TENM2: variants seen among roughly 807,000 people sequenced by gnomAD.
TENM2 encodes the protein teneurin transmembrane protein 2.
TENM2 carries 52 observed loss-of-function variants against 245.2 expected under a neutral mutation model. The ratio of observed to expected loss-of-function variants is 0.21; its 90% CI spans 0.17 to 0.27. The LOEUF is 0.27. TENM2 is among the 10% of genes least tolerant of loss of function. The probability of loss-of-function intolerance (pLI) is 1.00; values close to 1 mark genes in which losing one functional copy is unlikely to be tolerated. For synonymous variants in TENM2, 1,363 were observed against 1,438.9 expected (o/e 0.95, Z 1.19); for missense variants, 3,046 against 3,666.8 (o/e 0.83, Z 4.37).
At chr5:167,635,340 T>C (rs1481287815) in intron 2 of TENM2, among the ~76,000 whole-genome samples, 1 of 152,174 alleles carries the variant, frequency 6.6e-6, no homozygotes, top group African/African-American at 2.4e-5. Flanking sequence ...CCACAGTTTG[T>C]TTTTTCCTTC....
rs1785056710 is a variant in TENM2, at chr5:168,009,350, A to G, written c.1186+16168A>G. ...GATAAATCTGCTACATATTCATTCTATGAGCAGGTTTAAACTCTAATGCAT... is the reference window on the plus strand; with the variant it reads ...GATAAATCTGCTACATATTCATTCTGTGAGCAGGTTTAAACTCTAATGCAT... On this transcript the variant is annotated intron_variant, in intron 5 of 28. Coordinates refer to ENST00000518659, the Ensembl canonical transcript of TENM2. 3.9e-5 allele frequency among the ~76,000 whole-genome samples: 6 copies of G among 152,344 alleles called. No individual in the cohort carries two copies. In the South Asian group the frequency reaches 1.2e-3, roughly 32 times the overall value.
intron 2 of TENM2, among the ~76,000 whole-genome samples, chr5:167,539,005 CTCA>C (rs1562038166): frequency 6.6e-6 from 1 of 152,152 alleles, no homozygotes; most frequent in Non-Finnish European, 1.5e-5. Context: ...AAACGATAAT[CTCA>C]TCGTCATTAT....
At chr5:168,060,494 C>T (rs1478876538) in intron 6 of TENM2, among the ~76,000 whole-genome samples, 1 of 152,196 alleles carries the variant, frequency 6.6e-6, no homozygotes, top group Non-Finnish European at 1.5e-5. Flanking sequence ...GTCTGAACCA[C>T]TCAGGACTTC....
chr5:167,442,118 C>G (rs981484890), intron 2 of TENM2, among the ~76,000 whole-genome samples: 6 of 152,034 alleles, frequency 3.9e-5, no homozygotes, highest in Admixed American at 1.3e-4. Context: ...ATTTGAAAAC[C>G]CAGGCCCCTT....
intron 7 of TENM2, among the ~76,000 whole-genome samples, chr5:168,076,476 G>A (rs1478706741): frequency 6.6e-6 from 1 of 151,934 alleles, no homozygotes; most frequent in African/African-American, 2.4e-5. Flanking sequence ...CACCCACCTC[G>A]GCTTCCCAAA....
rs566387582 is a variant in TENM2, at chr5:167,734,004, G to T, written c.503-141982G>T. ...GGAGTGTAGTGAGATCTTGACCCCA[G>T]GTTTCCTTGACTTCAGATAACACTT... On this transcript the variant is annotated intron_variant, in intron 2 of 28. Transcript: ENST00000518659. 3.3e-5 allele frequency among the ~76,000 whole-genome samples: 5 copies of T among 152,238 alleles called. No homozygotes were observed. In the South Asian group the frequency reaches 1.0e-3, roughly 32 times the overall value.
the TENM2 span, among the ~76,000 whole-genome samples, chr5:167,115,396 G>A: frequency 6.6e-6 from 1 of 152,168 alleles, no homozygotes; most frequent in African/African-American, 2.4e-5. Flanking sequence ...TTGATACGAA[G>A]GGCTGCATTT....
At chr5:167,498,230 G>T (rs1768943386) in intron 2 of TENM2, among the ~76,000 whole-genome samples, 1 of 152,074 alleles carries the variant, frequency 6.6e-6, no homozygotes, top group Non-Finnish European at 1.5e-5. Context: ...ATCTAGCTCT[G>T]TTCACAGGAT....
At chr5:167,226,297 C>A in the TENM2 span, among the ~76,000 whole-genome samples, 1 of 151,696 alleles carries the variant, frequency 6.6e-6, no homozygotes, top group Non-Finnish European at 1.5e-5. Flanking sequence ...TTAGCCTTTT[C>A]TCTTAGCAAT....
intron 2 of TENM2, among the ~76,000 whole-genome samples, chr5:167,594,407 G>A (rs534358185): frequency 2.6e-5 from 4 of 152,204 alleles, no homozygotes; most frequent in African/African-American, 9.6e-5. Context: ...AACCCACATG[G>A]CAATGTAGTA....
At chr5:167,776,799 A>C (rs971150906) in intron 2 of TENM2, among the ~76,000 whole-genome samples, 2 of 151,922 alleles carry the variant, frequency 1.3e-5, no homozygotes, top group African/African-American at 4.8e-5. Context: ...GTTCTTTAAA[A>C]TAGAGCAAGA....
intron 5 of TENM2, among the ~76,000 whole-genome samples, chr5:168,014,550 AT>A (rs1417735978): frequency 1.3e-5 from 2 of 152,138 alleles, no homozygotes; most frequent in Non-Finnish European, 2.9e-5. Context: ...TTAAAAAAAA[AT>A]TTTTCCACAA....
intron 2 of TENM2, among the ~76,000 whole-genome samples, chr5:167,387,921 A>G (rs1761537116): frequency 6.6e-6 from 1 of 152,122 alleles, no homozygotes; most frequent in Non-Finnish European, 1.5e-5. Context: ...TCAGTTAGCT[A>G]GTATTTTGTT....
intron 5 of TENM2, 105 bp from the exon 8 acceptor site, chr5:168,047,321 CT>C (rs1469814658): frequency 7.5e-7 from 1 of 1,338,546 alleles, no homozygotes; most frequent in African/African-American, 1.5e-5. Context: ...TTTGACGCAG[CT>C]TCCTCAAAAG....
intron 2 of TENM2, among the ~76,000 whole-genome samples, chr5:167,778,620 C>G (rs916371956): frequency 6.6e-6 from 1 of 152,116 alleles, no homozygotes; most frequent in East Asian, 1.9e-4. Flanking sequence ...TTCCCACAGT[C>G]TCACGAAGAA....
At chr5:167,862,146 A>T (rs146194471) in intron 2 of TENM2, among the ~76,000 whole-genome samples, 69 of 152,330 alleles carry the variant, frequency 4.5e-4, no homozygotes, top group African/African-American at 1.6e-3. Flanking sequence ...TAGGCTTGTA[A>T]AAAGTGAGGA....
chr5:168,261,191 C>G (rs1415826932), intron 28 of TENM2, among the ~76,000 whole-genome samples: 1 of 152,274 alleles, frequency 6.6e-6, no homozygotes, highest in Non-Finnish European at 1.5e-5. Context: ...CAAACGCAGC[C>G]TCTCCCATTA....
At chr5:167,932,573 C>T (rs765816806) in intron 3 of TENM2, among the ~76,000 whole-genome samples, 2 of 152,074 alleles carry the variant, frequency 1.3e-5, no homozygotes, top group Non-Finnish European at 2.9e-5. Context: ...AATAAACATA[C>T]ATACATATGT....
chr5:167,813,240 A>T (rs897819195), intron 2 of TENM2, among the ~76,000 whole-genome samples: 1 of 152,104 alleles, frequency 6.6e-6, no homozygotes, highest in Non-Finnish European at 1.5e-5. Context: ...AGATTGTATG[A>T]GTCTCCAAAA....
Sources: gnomAD v4.1 joint callset for allele counts (sites outside exome capture counted in the v4.1 genomes callset) on GRCh38, gnomAD v4.1.1 for gene constraint, MANE v1.5 for transcripts, NCBI Gene and HGNC (gene_info 2026-07-23, HGNC 2026-07-21) for gene names.